UCP1: variants seen among roughly 807,000 people sequenced by gnomAD.
The protein encoded by UCP1 is uncoupling protein 1.
UCP1 carries 24 observed loss-of-function variants against 26.2 expected under a neutral mutation model. The ratio of observed to expected loss-of-function variants is 0.92; its 90% confidence interval spans 0.66 to 1.29. The LOEUF is 1.29. Among genes scored for constraint, UCP1 ranks in the 50% most tolerant of loss-of-function variants. The pLI, the probability that UCP1 is intolerant of heterozygous loss-of-function variation, is 0.00. For missense variants in UCP1, 402 were observed against 388.7 expected (o/e 1.03, Z -0.29); for synonymous variants, 164 against 156.8 (o/e 1.05, Z -0.34).
intron 2 of UCP1, 116 bp downstream of exon 2, chr4:140,567,663 A>G: frequency 7.4e-7 from 1 of 1,346,042 alleles, no homozygotes; most frequent in Non-Finnish European, 1.1e-6. Context: ...GAGAGTTCAA[A>G]TATGAATGTT....
chr4:140,560,798 C>G (rs1482170759), intron 5 of UCP1, among the ~76,000 whole-genome samples: 1 of 151,804 alleles, frequency 6.6e-6, no homozygotes, highest in Admixed American at 6.6e-5. Flanking sequence ...AGTACACACA[C>G]ATTGTGTGTA....
chr4:140,560,978 T>C (rs1320292994), intron 5 of UCP1, among the ~76,000 whole-genome samples: 1 of 152,224 alleles, frequency 6.6e-6, no homozygotes, highest in Non-Finnish European at 1.5e-5. Context: ...AATCATACAG[T>C]ATTTGTCCTT....
Position 140,567,864 on chromosome 4 carries a change from C to G in UCP1, c.240G>C (p.Ala80=), listed in dbSNP as rs79610439. The change falls in exon 2 of 6, where the codon GCG becomes GCC. Residue 80 remains alanine (A), a synonymous_variant. Transcript: ENST00000262999. ...CGGAGCTGATTTGCCGCTGAAGCCC[C>G]GCAGGCAGCCCGCTGTAGAGTTTCA... ...GRMKLYSGLP[A]GLQRQISSAS... is the part of the protein sequence containing the mutation. 8.7e-4 allele frequency: 1,398 copies of G among 1,614,154 alleles called. 3 individuals are homozygous for G. Among genetic ancestry groups the G allele is most frequent in the Non-Finnish European group, 1.0e-3 (1,210 of 1,180,036 alleles).
rs772583342 is a variant in UCP1, at chr4:140,562,218, C to T, written c.784G>A (p.Glu262Lys). 1.3e-5 allele frequency: 21 copies of T among 1,614,054 alleles called. No individual in the cohort carries two copies. The highest frequency in any genetic ancestry group is 6.7e-5 in the East Asian group (3 of 44,900). The change falls in exon 5 of 6, where the codon GAA becomes AAA. Residue 262 changes from glutamate (E) to lysine (K), a missense_variant. Transcript: ENST00000262999. ...CCCTTGAAGAAAGCCGTTGGTCCTTCGTTAGTGAACACTTTCATTGCACAG... is the reference window on the plus strand; with the variant it reads ...CCCTTGAAGAAAGCCGTTGGTCCTTTGTTAGTGAACACTTTCATTGCACAG... ...PNCAMKVFTNEGPTAFFKGLV... is the reference protein window; with the variant it reads ...PNCAMKVFTNKGPTAFFKGLV...
Position 140,562,369 on chromosome 4 carries a change from G to A in UCP1, c.633C>T (p.Asp211=), listed in dbSNP as rs934031102. 3.7e-6 allele frequency: 6 copies of A among 1,613,968 alleles called. No individual in the cohort carries two copies. Among genetic ancestry groups the A allele is most frequent in the Admixed American group, 3.3e-5 (2 of 59,980 alleles). The stretch of plus-strand genomic sequence containing the variant: ...GAGCCGACACCAAGTGGCAGGGGAC[G>A]TCATCTAAAATGGATCGATGAAACA... ...AFVKNNILAD[D]VPCHLVSALI... Residue 211 remains aspartate, a synonymous_variant, in exon 5 of 6, where the codon GAC becomes GAT. Transcript: ENST00000262999.
intron 2 of UCP1, among the ~76,000 whole-genome samples, chr4:140,567,374 A>C (rs1229087572): frequency 6.6e-6 from 1 of 152,220 alleles, no homozygotes; most frequent in Non-Finnish European, 1.5e-5. Context: ...GCTTGTGGAA[A>C]GACACTCTGG....
At chr4:140,567,691 T>C (rs1170415645) in intron 2 of UCP1, 88 bp downstream of exon 2, 7 of 1,522,764 alleles carry the variant, frequency 4.6e-6, no homozygotes, top group East Asian at 4.5e-5. Flanking sequence ...CAATTTGTTA[T>C]GAAAACCACT....
chr4:140,563,041 T>G, intron 4 of UCP1, 69 bp downstream of exon 4: 1 of 1,186,680 alleles, frequency 8.4e-7, no homozygotes. Context: ...GAGTATAAGG[T>G]GGCTGCAGAA....
chr4:140,562,297 T>C lies in UCP1; in HGVS notation c.705A>G (p.Val235=), dbSNP rs777239924. 3 of 1,614,134 alleles carry C rather than the reference T, an allele frequency of 1.9e-6. No homozygotes were observed. The highest frequency in any genetic ancestry group is 2.2e-5 in the South Asian group (2 of 91,076). ...GAGAATTAATAAATCTGGTTTTTAC[T>C]ACATCCACCGGGGAGGACATAGCTG... ...CATAMSSPVD[V]VKTRFINSPP... is the part of the protein sequence containing the mutation. The change falls in exon 5 of 6, where the codon GTA becomes GTG. Residue 235 remains valine, a synonymous_variant. Coordinates refer to ENST00000262999, the MANE Select transcript of UCP1 (RefSeq NM_021833.5).
At chr4:140,563,930 T>C (rs1735745447) in intron 2 of UCP1, among the ~76,000 whole-genome samples, 1 of 152,304 alleles carries the variant, frequency 6.6e-6, no homozygotes, top group South Asian at 2.1e-4. Context: ...TCTTACAGCT[T>C]TTCTATTTCT....
At chr4:140,565,613 C>T (rs915254764) in intron 2 of UCP1, among the ~76,000 whole-genome samples, 1 of 152,132 alleles carries the variant, frequency 6.6e-6, no homozygotes, top group African/African-American at 2.4e-5. Context: ...GGCTTCACCC[C>T]TCCTTCCTCA....
rs879791279 is a variant in UCP1, at chr4:140,568,857, G to T, written c.-128C>A. The T allele has an allele frequency of 1.4e-6, 2 of 1,444,040 alleles. No individual in the cohort carries two copies. Among genetic ancestry groups the T allele is most frequent in the East Asian group, 2.5e-5 (1 of 40,170 alleles). The allele number at this position is 1,444,040 out of a possible 1,614,324, so 89.5% of individuals were successfully genotyped here. A position where few individuals can be genotyped will look rare whatever the true frequency, so the allele number is the denominator to read the frequency against. On this transcript the variant is annotated 5_prime_UTR_variant, in exon 1 of 6. Transcript: ENST00000262999. Reference sequence around the variant, plus strand: ...CCGATTTCTGTTTTTTGAACCGACCGCCGGGCAGCGGCGGTGCAGAGGCGG... The same window carrying T: ...CCGATTTCTGTTTTTTGAACCGACCTCCGGGCAGCGGCGGTGCAGAGGCGG...
chr4:140,560,124 C>T (rs1735645462), intron 5 of UCP1, 114 bp from the exon 6 acceptor site: 3 of 842,274 alleles, frequency 3.6e-6, no homozygotes, highest in East Asian at 5.3e-5. Flanking sequence ...GTAATCATAG[C>T]TCACTGCAAC....
At chr4:140,560,132 A>C in intron 5 of UCP1, 122 bp from the exon 6 acceptor site, 1 of 793,542 alleles carries the variant, frequency 1.3e-6, no homozygotes, top group Admixed American at 2.1e-5. Flanking sequence ...AGCTCACTGC[A>C]ACCTCGAGCT....
chr4:140,563,411 T>C lies in UCP1; in HGVS notation c.433A>G (p.Ser145Gly). The change falls in exon 3 of 6, where the codon AGC becomes GGC. Residue 145 changes from serine to glycine, a missense_variant. Ser to Gly is a moderately conservative substitution (Grantham distance 56). Transcript: ENST00000262999. ...CGAGGTTTGATTCCGTGGAGATGGC[T>C]CTGTGCTTGAAGTCTGACTTTCACG... Reference protein sequence around the residue: ...EVVKVRLQAQSHLHGIKPRYT... With the variant: ...EVVKVRLQAQGHLHGIKPRYT... 6.2e-7 allele frequency: 1 copy of C among 1,614,102 alleles called. No individual in the cohort carries two copies. Among genetic ancestry groups the C allele is most frequent in the Non-Finnish European group, 8.5e-7 (1 of 1,180,008 alleles).
Position 140,559,599 on chromosome 4 carries a change from T to C in UCP1, c.*297A>G. The C allele has an allele frequency of 3.4e-6, 1 of 293,028 alleles. No homozygotes were observed. The highest frequency in any genetic ancestry group is 6.3e-6 in the Non-Finnish European group (1 of 158,174). 18.2% of individuals were successfully genotyped at this position (293,028 alleles called of 1,614,324 possible). On this transcript the variant is annotated 3_prime_UTR_variant, in exon 6 of 6. Coordinates refer to ENST00000262999, the MANE Select transcript of UCP1 (RefSeq NM_021833.5). ...TGTAATTAAAACATGTTAAAGTTCT[T>C]CACATTCATTCACACAATTGCACTC...
chr4:140,565,199 C>T (rs928242268), intron 2 of UCP1, among the ~76,000 whole-genome samples: 2 of 152,190 alleles, frequency 1.3e-5, no homozygotes, highest in Non-Finnish European at 2.9e-5. Context: ...TGTCTTCCCC[C>T]TAAGACAGCT....
Position 140,562,262 on chromosome 4 carries a change from T to C in UCP1, c.740A>G (p.Gln247Arg), listed in dbSNP as rs1222399942. The C allele has an allele frequency of 6.2e-6, 10 of 1,614,074 alleles. No individual in the cohort carries two copies. In the African/African-American group the frequency reaches 6.7e-5, roughly 11 times the overall value. The change falls in exon 5 of 6, where the codon CAG becomes CGG. Residue 247 changes from glutamine to arginine, a missense_variant. Physicochemically the swap from Gln to Arg is conservative, Grantham distance 43. Transcript: ENST00000262999. ...TGCACAGTTGGGCACACTTTTGTAC[T>C]GTCCTGGTGGAGAATTAATAAATCT... ...KTRFINSPPGQYKSVPNCAMK... is the reference protein window; with the variant it reads ...KTRFINSPPGRYKSVPNCAMK...
At chr4:140,560,056 T>A in intron 5 of UCP1, 46 bp from the exon 6 acceptor site, 1 of 1,547,426 alleles carries the variant, frequency 6.5e-7, no homozygotes. Context: ...TTGATTTTTT[T>A]TTTTTTTAAT....
Sources: gnomAD v4.1 joint callset for allele counts (sites outside exome capture counted in the v4.1 genomes callset) on GRCh38, gnomAD v4.1.1 for gene constraint, MANE v1.5 for transcripts, NCBI Gene and HGNC (gene_info 2026-07-23, HGNC 2026-07-21) for gene names.